Variants in WWP2 observed in about 807,000 individuals in gnomAD.
WWP2 encodes NEDD4-like E3 ubiquitin-protein ligase WWP2.
In WWP2, 57 loss-of-function variants were observed where a neutral mutation model predicts 121.0. That is an observed-to-expected ratio of 0.47 (90% CI 0.38 to 0.59). The LOEUF (loss-of-function observed/expected upper bound fraction) is 0.59, where lower values mean the gene tolerates loss of function less well. Among genes scored for constraint, WWP2 ranks in the 20% least tolerant of loss-of-function variants. WWP2 has a pLI of 0.00. For synonymous variants in WWP2, 449 were observed against 441.3 expected (o/e 1.02, Z -0.22); for missense variants, 962 against 1,158.9 (o/e 0.83, Z 2.47).
chr16:69,850,425 A>G (rs997734688), intron 6 of WWP2, among the ~76,000 whole-genome samples: 1 of 150,494 alleles, frequency 6.6e-6, no homozygotes, highest in African/African-American at 2.4e-5. Flanking sequence ...AGGGTCCCTG[A>G]CATCAGGGAG....
intron 4 of WWP2, among the ~76,000 whole-genome samples, chr16:69,818,674 C>CCAA (rs1234473871): frequency 6.6e-6 from 1 of 152,128 alleles, no homozygotes; most frequent in Admixed American, 6.6e-5. Context: ...TCCTGCTTGA[C>CCAA]ATATGTTCTG....
intron 6 of WWP2, among the ~76,000 whole-genome samples, chr16:69,862,870 C>T (rs1291064661): frequency 6.6e-6 from 1 of 151,948 alleles, no homozygotes; most frequent in Non-Finnish European, 1.5e-5. Context: ...GGATCACAGG[C>T]ACTTGCCACT....
chr16:69,815,124 T>C (rs1337049144), intron 4 of WWP2, among the ~76,000 whole-genome samples: 1 of 152,106 alleles, frequency 6.6e-6, no homozygotes, highest in African/African-American at 2.4e-5. Flanking sequence ...TGCCTCAGAC[T>C]CCTGAGTAGC....
chr16:69,851,356 C>G (rs1428785296), intron 6 of WWP2, among the ~76,000 whole-genome samples: 1 of 152,068 alleles, frequency 6.6e-6, no homozygotes, highest in Admixed American at 6.6e-5. Flanking sequence ...CCTCCCGTCC[C>G]CAGCCCATTG....
intron 6 of WWP2, among the ~76,000 whole-genome samples, chr16:69,865,169 C>A (rs1420944056): frequency 1.3e-5 from 2 of 152,128 alleles, no homozygotes; most frequent in Admixed American, 6.5e-5. Flanking sequence ...CCTGCCTCAG[C>A]CTTCCAAGTA....
At chr16:69,818,150 G>GTTATT (rs1419280210) in intron 4 of WWP2, among the ~76,000 whole-genome samples, 4 of 150,870 alleles carry the variant, frequency 2.7e-5, no homozygotes, top group Non-Finnish European at 4.4e-5. Flanking sequence ...ATTTCTCTTT[G>GTTATT]TTATTTTATT....
intron 8 of WWP2, among the ~76,000 whole-genome samples, chr16:69,893,344 T>C (rs2058059033): frequency 6.6e-6 from 1 of 152,224 alleles, no homozygotes; most frequent in African/African-American, 2.4e-5. Context: ...TTGCAATGAA[T>C]GGATGAGTGC....
chr16:69,813,713 C>G (rs376626363), intron 4 of WWP2, among the ~76,000 whole-genome samples: 20 of 152,268 alleles, frequency 1.3e-4, no homozygotes, highest in African/African-American at 4.6e-4. Context: ...TAGTGATCCT[C>G]CCACGTTGGC....
intron 2 of WWP2, among the ~76,000 whole-genome samples, chr16:69,794,789 G>A (rs74926774): frequency 0.012 from 1,882 of 152,212 alleles, 37 homozygotes; most frequent in African/African-American, 0.043. Flanking sequence ...AAACCAAAAA[G>A]TTAAACAAAC....
At chr16:69,858,146 G>C (rs1423909207) in intron 6 of WWP2, among the ~76,000 whole-genome samples, 1 of 151,894 alleles carries the variant, frequency 6.6e-6, no homozygotes, top group African/African-American at 2.4e-5. Context: ...TTTAAATAAA[G>C]TTATACATTT....
At chr16:69,804,372 C>T (rs1166180375) in intron 4 of WWP2, among the ~76,000 whole-genome samples, 2 of 152,040 alleles carry the variant, frequency 1.3e-5, no homozygotes, top group Non-Finnish European at 2.9e-5. Flanking sequence ...TATTTTTGTG[C>T]CCAGTACAAA....
chr16:69,855,951 G>A (rs1287110398), intron 6 of WWP2, among the ~76,000 whole-genome samples: 2 of 152,086 alleles, frequency 1.3e-5, no homozygotes, highest in Non-Finnish European at 2.9e-5. Context: ...TGTTATTCTT[G>A]TTTTTAGTGC....
intron 1 of WWP2, among the ~76,000 whole-genome samples, chr16:69,768,517 G>A (rs1387015734): frequency 6.6e-6 from 1 of 152,126 alleles, no homozygotes; most frequent in Non-Finnish European, 1.5e-5. Flanking sequence ...GCCTGAGGCA[G>A]GAGAATCGCT....
intron 8 of WWP2, among the ~76,000 whole-genome samples, chr16:69,899,836 A>G (rs2058173662): frequency 6.6e-6 from 1 of 152,072 alleles, no homozygotes; most frequent in Non-Finnish European, 1.5e-5. Flanking sequence ...TAATCTTACA[A>G]TCGATGGCAT....
chr16:69,880,442 T>G (rs1345327579), intron 7 of WWP2, among the ~76,000 whole-genome samples: 1 of 152,178 alleles, frequency 6.6e-6, no homozygotes, highest in Admixed American at 6.5e-5. Context: ...CTTTGATCGT[T>G]CATACATTTT....
chr16:69,767,797 G>A (rs1158272166), intron 1 of WWP2, among the ~76,000 whole-genome samples: 2 of 151,984 alleles, frequency 1.3e-5, no homozygotes, highest in Non-Finnish European at 2.9e-5. Context: ...TATCTTATTA[G>A]GACTCCACAT....
chr16:69,850,403 T>A (rs73568154), intron 6 of WWP2, among the ~76,000 whole-genome samples: 75,378 of 142,352 alleles, frequency 0.53, 20,551 homozygotes, highest in East Asian at 0.9. Context: ...AAAAAAAAAA[T>A]GATGAAAAGT....
intron 4 of WWP2, among the ~76,000 whole-genome samples, chr16:69,808,374 G>A (rs2056323331): frequency 6.6e-6 from 1 of 151,774 alleles, no homozygotes; most frequent in Non-Finnish European, 1.5e-5. Flanking sequence ...ACAGGCATGA[G>A]CCACCATGCC....
At chr16:69,891,142 T>C (rs7186422) in intron 8 of WWP2, among the ~76,000 whole-genome samples, 6,058 of 152,196 alleles carry the variant, frequency 0.04, 349 homozygotes, top group African/African-American at 0.13. Context: ...AGAGGGAGCA[T>C]GGCAGGCTTT....
Sources: gnomAD v4.1 joint callset for allele counts (sites outside exome capture counted in the v4.1 genomes callset) on GRCh38, gnomAD v4.1.1 for gene constraint, MANE v1.5 for transcripts, NCBI Gene and HGNC (gene_info 2026-07-23, HGNC 2026-07-21) for gene names.